Variants in NCAPH observed in about 807,000 individuals in gnomAD.
The protein encoded by NCAPH is non-SMC condensin I complex subunit H.
Under a neutral mutation model 85.5 loss-of-function variants are expected in NCAPH, and 38 were observed. The observed-to-expected ratio is 0.44, with a 90% confidence interval of 0.34 to 0.58. The LOEUF (loss-of-function observed/expected upper bound fraction) is 0.58. NCAPH is among the 20% of genes least tolerant of loss of function. NCAPH has a pLI of 0.01. For missense variants in NCAPH, 789 were observed against 916.6 expected (o/e 0.86, Z 1.80); for synonymous variants, 301 against 335.1 (o/e 0.90, Z 1.11).
In NCAPH at chr2:96,354,281, G is replaced by C. The variant is rs370233144; in HGVS notation, c.1101G>C (p.Gly367=). 4.3e-6 allele frequency: 7 copies of C among 1,614,024 alleles called. No homozygotes were observed. The highest frequency in any genetic ancestry group is 5.9e-6 in the Non-Finnish European group (7 of 1,179,982). The change falls in exon 9 of 18, where the codon GGG becomes GGC. Residue 367 remains glycine (G), a synonymous_variant. Coordinates refer to ENST00000240423, the MANE Select transcript of NCAPH (RefSeq NM_015341.5). ...DESDCGDFPD[G]SLGDDFDAND... is the part of the protein sequence containing the mutation. ...GTGACTGTGGAGACTTCCCCGATGGGTCCCTGGGGGATGACTTTGATGCCA... is the reference window on the plus strand; with the variant it reads ...GTGACTGTGGAGACTTCCCCGATGGCTCCCTGGGGGATGACTTTGATGCCA...
rs778415747 is a variant in NCAPH at position 96,353,306 on chromosome 2, C to T, written c.911C>T (p.Ala304Val). 75 of 1,613,938 alleles carry T rather than the reference C, an allele frequency of 4.6e-5. No individual in the cohort carries two copies. In the African/African-American group the frequency reaches 5.3e-4, roughly 11 times the overall value. Residue 304 changes from alanine (A) to valine (V), a missense_variant and splice_region_variant, in exon 8 of 18, where the codon GCG becomes GTG. Transcript: ENST00000240423. Reference sequence around the variant, plus strand: ...TTTGTGATCTTGCTATCCTCTCCAGCGCCCTTGCAGCAGTGTGCAGAAGAT... The same window carrying T: ...TTTGTGATCTTGCTATCCTCTCCAGTGCCCTTGCAGCAGTGTGCAGAAGAT... Reference protein sequence around the residue: ...LGCVEMTDLKAPLQQCAEDRQ... With the variant: ...LGCVEMTDLKVPLQQCAEDRQ...
intron 9 of NCAPH, among the ~76,000 whole-genome samples, chr2:96,355,214 T>C (rs897284837): frequency 4.6e-5 from 7 of 152,176 alleles, no homozygotes; most frequent in Non-Finnish European, 1.0e-4. Context: ...ATTCTAAATA[T>C]GATTTGGAAG....
intron 6 of NCAPH, among the ~76,000 whole-genome samples, chr2:96,347,505 T>A (rs1473757480): frequency 2.0e-5 from 3 of 152,114 alleles, no homozygotes; most frequent in Admixed American, 6.6e-5. Context: ...AATACATAAA[T>A]TAGAACAAGT....
intron 10 of NCAPH, 115 bp downstream of exon 10, chr2:96,359,308 C>T: frequency 7.5e-7 from 1 of 1,331,674 alleles, no homozygotes; most frequent in Non-Finnish European, 1.0e-6. Context: ...TCTTAATAAG[C>T]CGAGGAAGCA....
rs1361411492 is a variant in NCAPH at position 96,351,846 on chromosome 2, C to G, written c.736C>G (p.Gln246Glu). The change falls in exon 7 of 18, where the codon CAG (glutamine) becomes GAG (glutamate). Residue 246 changes from glutamine to glutamate, a missense_variant. Physicochemically the swap from Gln to Glu is conservative, Grantham distance 29 (BLOSUM62 2). Transcript: ENST00000240423. Reference sequence around the variant, plus strand: ...CTGTGTTCAGATTGATCCCATGTTTCAGAAGACAGCAGCCTCATTTGATGA... The same window carrying G: ...CTGTGTTCAGATTGATCCCATGTTTGAGAAGACAGCAGCCTCATTTGATGA... ...DRKCEIDPMFQKTAASFDECS... is the reference protein window; with the variant it reads ...DRKCEIDPMFEKTAASFDECS... 6.2e-7 allele frequency: 1 copy of G among 1,601,130 alleles called. No homozygotes were observed. The highest frequency in any genetic ancestry group is 1.3e-5 in the African/African-American group (1 of 74,370).
At position 96,361,749 on chromosome 2, in the gene NCAPH, G is replaced by GATATAT. The variant is rs142082869; in HGVS notation, c.1587+1053_1587+1058dup. ...GCCTGTTTTTCCACAAGATTTTAAT[G>GATATAT]ATATATATATATATATATACATATA... On this transcript the variant is annotated intron_variant, in intron 12 of 17. Transcript: ENST00000240423. Among the ~76,000 whole-genome samples the GATATAT allele has an allele frequency of 2.2e-3, 207 of 95,166 alleles. 1 individual carries two copies. The highest frequency in any genetic ancestry group is 7.2e-3 in the African/African-American group (197 of 27,182). The allele number at this position is 95,166 out of a possible 152,430, so 62.4% of individuals were successfully genotyped here. A position where few individuals can be genotyped will look rare whatever the true frequency, so the allele number is the denominator to read the frequency against.
chr2:96,341,458 A>G (rs771003368), intron 1 of NCAPH, 184 bp from the exon 2 acceptor site: 34 of 683,754 alleles, frequency 5.0e-5, no homozygotes, highest in Non-Finnish European at 5.8e-5. Context: ...TCAGAAACCT[A>G]TGGCCTCCCC....
At chr2:96,358,593 G>T (rs798202) in intron 9 of NCAPH, among the ~76,000 whole-genome samples, 3 of 151,652 alleles carry the variant, frequency 2.0e-5, no homozygotes, top group Non-Finnish European at 4.4e-5. Flanking sequence ...CTCAGCCTCC[G>T]GAGTAGCTGG....
At chr2:96,362,510 GTCC>G (rs2064638680) in intron 12 of NCAPH, among the ~76,000 whole-genome samples, 1 of 152,080 alleles carries the variant, frequency 6.6e-6, no homozygotes, top group African/African-American at 2.4e-5. Flanking sequence ...CAGGCCTATA[GTCC>G]TGGCTACTCA....
At chr2:96,354,778 CACTTTGGTTATAAA>C (rs1346239843) in intron 9 of NCAPH, among the ~76,000 whole-genome samples, 1 of 152,202 alleles carries the variant, frequency 6.6e-6, no homozygotes. Context: ...TCGGCTTAGC[CACTTTGGTTATAAA>C]ACTGACATTG....
At chr2:96,354,444 T>A in intron 9 of NCAPH, 56 bp downstream of exon 9, 6 of 1,329,886 alleles carry the variant, frequency 4.5e-6, no homozygotes, top group Non-Finnish European at 5.9e-6. Flanking sequence ...TGGTTCTTTT[T>A]TCTTTTTCTT....
Position 96,365,959 on chromosome 2 carries a change from T to C in NCAPH, c.1782T>C (p.His594=). Residue 594 remains histidine, a synonymous_variant, in exon 14 of 18, where the codon CAT becomes CAC. Coordinates refer to ENST00000240423, the MANE Select transcript of NCAPH (RefSeq NM_015341.5). ...GNSDLSPYPC[H]PPKTAQQNGD... The stretch of plus-strand genomic sequence containing the variant: ...CTGACCTCTCACCTTATCCTTGCCA[T>C]CCACCTAAGACAGCACAACAGAATG... 1 of 1,614,148 alleles carries C rather than the reference T, an allele frequency of 6.2e-7. No individual in the cohort carries two copies. Among genetic ancestry groups the C allele is most frequent in the South Asian group, 1.1e-5 (1 of 91,084 alleles).
rs972722800 is a variant in NCAPH at position 96,376,713 on chromosome 2, T to C, written c.*3362T>C. Among the ~76,000 whole-genome samples the C allele has an allele frequency of 1.3e-5, 2 of 152,222 alleles. No homozygotes were observed. Among genetic ancestry groups the C allele is most frequent in the African/African-American group, 4.8e-5 (2 of 41,448 alleles). ...AAGGAAAGGAACCGTTCATGGTGGC[T>C]GAAGCCAAGCTGCTCAGCACTGAGG... On this transcript the variant is annotated 3_prime_UTR_variant, in exon 18 of 18. Coordinates refer to ENST00000240423, the MANE Select transcript of NCAPH (RefSeq NM_015341.5).
chr2:96,352,667 A>G (rs1168835614), intron 7 of NCAPH, among the ~76,000 whole-genome samples: 2 of 152,100 alleles, frequency 1.3e-5, no homozygotes, highest in African/African-American at 4.8e-5. Flanking sequence ...CCTCCTGCAC[A>G]TTTCCAATGC....
chr2:96,346,521 G>A (rs750807522), intron 6 of NCAPH, among the ~76,000 whole-genome samples: 3 of 152,126 alleles, frequency 2.0e-5, no homozygotes, highest in Non-Finnish European at 2.9e-5. Context: ...AGCTGGAAAG[G>A]GACACTGGAG....
chr2:96,369,582 T>C, intron 17 of NCAPH, 82 bp downstream of exon 17: 3 of 1,374,388 alleles, frequency 2.2e-6, no homozygotes, highest in South Asian at 1.2e-5. Context: ...TGATCTTTCA[T>C]GGGCTAACAT....
intron 3 of NCAPH, 85 bp downstream of exon 3, chr2:96,342,225 C>A: frequency 8.3e-7 from 1 of 1,200,136 alleles, no homozygotes; most frequent in Non-Finnish European, 1.2e-6. Flanking sequence ...AGATAATGCA[C>A]AATCAATGAT....
Position 96,348,351 on chromosome 2 carries a change from G to T in NCAPH, c.721-3480G>T, listed in dbSNP as rs112318107. Among the ~76,000 whole-genome samples the T allele has an allele frequency of 2.5e-3, 373 of 151,852 alleles. 2 individuals are homozygous for T. The highest frequency in any genetic ancestry group is 8.5e-3 in the African/African-American group (350 of 41,416). The stretch of plus-strand genomic sequence containing the variant: ...ACTACAGGCACCCGCCACCATGCCC[G>T]GCTAATTTTTTGTATTTTTAGGAGA... On this transcript the variant is annotated intron_variant, in intron 6 of 17. Coordinates refer to ENST00000240423, the MANE Select transcript of NCAPH (RefSeq NM_015341.5).
intron 7 of NCAPH, among the ~76,000 whole-genome samples, chr2:96,352,701 T>G (rs2064461544): frequency 6.6e-6 from 1 of 152,212 alleles, no homozygotes; most frequent in Non-Finnish European, 1.5e-5. Flanking sequence ...TCGCTGATCT[T>G]CATCTCAAGT....
Sources: allele counts gnomAD v4.1 joint callset (sites outside exome capture counted in the v4.1 genomes callset), GRCh38; gene constraint gnomAD v4.1.1; transcripts MANE v1.5; gene names NCBI Gene and HGNC (gene_info 2026-07-23, HGNC 2026-07-21).